USP43: variants seen among roughly 807,000 people sequenced by gnomAD.
USP43 encodes the protein ubiquitin specific peptidase 43.
Under a neutral mutation model 90.7 loss-of-function variants are expected in USP43, and 33 were observed. The ratio of observed to expected loss-of-function variants is 0.36; its 90% CI spans 0.28 to 0.49. The LOEUF (loss-of-function observed/expected upper bound fraction) is 0.49. USP43 is among the 20% of genes least tolerant of loss of function. USP43 has a pLI of 0.98. For synonymous variants in USP43, 598 were observed against 615.8 expected (o/e 0.97, Z 0.43); for missense variants, 1,274 against 1,476.4 (o/e 0.86, Z 2.25).
rs2080938235 is a variant in USP43, at chr17:9,696,545, A to G, written c.1457+3315A>G. Among the ~76,000 whole-genome samples the G allele has an allele frequency of 3.3e-5, 5 of 152,268 alleles. No homozygotes were observed. The South Asian group carries it at 1.0e-3, about 32-fold the overall frequency. On this transcript the variant is annotated intron_variant, in intron 9 of 14. Coordinates refer to ENST00000285199, the MANE Select transcript of USP43 (RefSeq NM_153210.5). ...TCTGGATTGCAGACCTGCCTGTCCT[A>G]CTTAAATGCCTCATAGACACTGGTA... is the stretch of plus-strand genomic sequence containing the variant.
Position 9,645,658 on chromosome 17 carries a change from C to T in USP43, c.26C>T (p.Ala9Val). 1 of 1,247,380 alleles carries T rather than the reference C, an allele frequency of 8.0e-7. No individual in the cohort carries two copies. The allele number at this position is 1,247,380 out of a possible 1,614,324, so 77.3% of individuals were successfully genotyped here. A position where few individuals can be genotyped will look rare whatever the true frequency, so the allele number is the denominator to read the frequency against. ...ATGGACCTGGGCCCCGGGGACGCGG[C>T]AGGAGGGGGACCGCTCGCGCCCCGG... The part of the protein sequence containing the change: MDLGPGDA[A>V]GGGPLAPRPR... The change falls in exon 1 of 15, where the codon GCA (alanine) becomes GTA (valine). Residue 9 changes from alanine (A) to valine (V), a missense_variant. Ala to Val is a moderately conservative substitution (Grantham distance 64). This residue lies in a region of USP43 where 112 missense variants were observed against 106.6 expected (regional missense o/e 1.05). Coordinates refer to ENST00000285199, the MANE Select transcript of USP43 (RefSeq NM_153210.5). The surrounding 1 kb of genome is among the most constrained non-coding windows in gnomAD (Gnocchi z 6.8).
In USP43 at chr17:9,728,566, G is replaced by A. The variant is rs376632985; in HGVS notation, c.2948G>A (p.Arg983Gln). Reference sequence around the variant, plus strand: ...TCTGGAAACAGCAAAGACAGTCGCCGAGGCACCTCTGAGCTAGACAGACCC... The same window carrying A: ...TCTGGAAACAGCAAAGACAGTCGCCAAGGCACCTCTGAGCTAGACAGACCC... ...GFSGNSKDSR[R>Q]GTSELDRPLQ... Residue 983 changes from arginine (R) to glutamine (Q), a missense_variant, in exon 15 of 15, where the codon CGA (arginine) becomes CAA (glutamine). Physicochemically the swap from Arg to Gln is conservative, Grantham distance 43. This residue lies in a region of USP43 where 353 missense variants were observed against 329.7 expected (regional missense o/e 1.07). Transcript: ENST00000285199. This position sits in a 1 kb window ranked among gnomAD's most constrained non-coding sequence, Gnocchi z 6.2. The A allele has an allele frequency of 9.3e-6, 15 of 1,613,866 alleles. No individual in the cohort carries two copies. Among genetic ancestry groups the A allele is most frequent in the Admixed American group, 3.3e-5 (2 of 60,008 alleles).
At position 9,728,958 on chromosome 17, in the gene USP43, C is replaced by G. The variant is rs747645380; in HGVS notation, c.3340C>G (p.Arg1114Gly). 1.9e-6 allele frequency: 3 copies of G among 1,588,398 alleles called. No individual in the cohort carries two copies. The highest frequency in any genetic ancestry group is 4.5e-5 in the East Asian group (2 of 44,376). Residue 1114 changes from arginine to glycine, a missense_variant, in exon 15 of 15, where the codon CGA becomes GGA. Coordinates refer to ENST00000285199, the MANE Select transcript of USP43 (RefSeq NM_153210.5). The surrounding 1 kb of genome is among the most constrained non-coding windows in gnomAD (Gnocchi z 6.2). ...CAAATATCACACTCTTTCTTTAGGTCGAAAGAAAACCTTACCGGAGTCCAG... is the reference window on the plus strand; with the variant it reads ...CAAATATCACACTCTTTCTTTAGGTGGAAAGAAAACCTTACCGGAGTCCAG... ...RVKYHTLSLG[R>G]KKTLPESSF
chr17:9,659,037 T>TG (rs1202554005), intron 2 of USP43, among the ~76,000 whole-genome samples: 1 of 152,178 alleles, frequency 6.6e-6, no homozygotes, highest in Admixed American at 6.5e-5. Flanking sequence ...GCAGCTGGGT[T>TG]GCATGCCTGT....
chr17:9,674,906 T>C lies in USP43; in HGVS notation c.756T>C (p.Cys252=). 6.2e-7 allele frequency: 1 copy of C among 1,614,026 alleles called. No individual in the cohort carries two copies. The highest frequency in any genetic ancestry group is 8.5e-7 in the Non-Finnish European group (1 of 1,179,892). Residue 252 remains cysteine, a synonymous_variant, in exon 4 of 15, where the codon TGT becomes TGC. Coordinates refer to ENST00000285199, the MANE Select transcript of USP43 (RefSeq NM_153210.5). The surrounding 1 kb of genome is among the most constrained non-coding windows in gnomAD (Gnocchi z 4.4). ...ACCCTCACAGATCTTCCTTGACTTG[T>C]CCCCACTGCCTGAAACAGAGCAACA... The part of the protein sequence containing the change: ...FQAQYRSSLT[C]PHCLKQSNTF...
At chr17:9,662,514 G>A (rs1912717095) in intron 2 of USP43, among the ~76,000 whole-genome samples, 1 of 152,100 alleles carries the variant, frequency 6.6e-6, no homozygotes, top group Admixed American at 6.5e-5. Context: ...CCCACAGTTG[G>A]GGGCCGAGTG....
chr17:9,723,186 C>T (rs1296705311), intron 14 of USP43, among the ~76,000 whole-genome samples: 1 of 152,088 alleles, frequency 6.6e-6, no homozygotes, highest in East Asian at 1.9e-4. Flanking sequence ...AGGTGAGAAG[C>T]CCAGGCTTTT....
At position 9,729,661 on chromosome 17, in the gene USP43, A is replaced by G. The variant is rs1483965175; in HGVS notation, c.*671A>G. 6.6e-6 allele frequency: 1 copy of G among 152,202 alleles called. No homozygotes were observed. The highest frequency in any genetic ancestry group is 1.5e-5 in the Non-Finnish European group (1 of 68,048). The allele number at this position is 152,202 out of a possible 1,614,324, so 9.4% of individuals were successfully genotyped here. A position where few individuals can be genotyped will look rare whatever the true frequency, so the allele number is the denominator to read the frequency against. On this transcript the variant is annotated 3_prime_UTR_variant, in exon 15 of 15. Coordinates refer to ENST00000285199, the MANE Select transcript of USP43 (RefSeq NM_153210.5). ...TAATTTAAATATGAGATCTATGTAC[A>G]ATTTTAATAAAATCCTGTCCATGAA...
At chr17:9,683,981 C>CA (rs1331879059) in intron 7 of USP43, among the ~76,000 whole-genome samples, 1 of 151,844 alleles carries the variant, frequency 6.6e-6, no homozygotes, top group Non-Finnish European at 1.5e-5. Flanking sequence ...ACTAAAAGTA[C>CA]AAAAAACTAT....
intron 14 of USP43, among the ~76,000 whole-genome samples, chr17:9,723,409 C>A (rs2152002393): frequency 6.6e-6 from 1 of 151,992 alleles, no homozygotes; most frequent in South Asian, 2.1e-4. Context: ...ATTGTCTCTC[C>A]TGCTTTTGAC....
chr17:9,700,895 A>C (rs1415264025), intron 10 of USP43, among the ~76,000 whole-genome samples: 1 of 152,326 alleles, frequency 6.6e-6, no homozygotes, highest in Non-Finnish European at 1.5e-5. Context: ...AAAGATGAAT[A>C]AGCCAAGGAC....
At chr17:9,697,625 G>A (rs960117249) in intron 9 of USP43, among the ~76,000 whole-genome samples, 2 of 151,166 alleles carry the variant, frequency 1.3e-5, no homozygotes, top group Admixed American at 1.3e-4. Context: ...TAGGATAATG[G>A]CCTCCATTTT....
intron 1 of USP43, among the ~76,000 whole-genome samples, chr17:9,656,070 C>T (rs11656180): frequency 0.097 from 14,765 of 152,154 alleles, 742 homozygotes; most frequent in Middle Eastern, 0.14. Flanking sequence ...CCAGCAGTCA[C>T]AGGAAGAGAG....
rs969723927 is a variant in USP43, at chr17:9,693,119, C to T, written c.1354-8C>T. The T allele has an allele frequency of 1.9e-6, 3 of 1,611,792 alleles. No individual in the cohort carries two copies. The highest frequency in any genetic ancestry group is 1.1e-5 in the South Asian group (1 of 90,580). ...CGTAATGATCCATGTCTGTTTTTGT[C>T]TTCGCAGAACCTGGGGTCTCTGTTC... On this transcript the variant is annotated splice_polypyrimidine_tract_variant and splice_region_variant and intron_variant, in intron 8 of 14. Coordinates refer to ENST00000285199, the MANE Select transcript of USP43 (RefSeq NM_153210.5).
intron 2 of USP43, among the ~76,000 whole-genome samples, chr17:9,662,364 C>G (rs1912701889): frequency 6.6e-6 from 1 of 152,200 alleles, no homozygotes; most frequent in Non-Finnish European, 1.5e-5. Flanking sequence ...ATGAATGTCT[C>G]TGCCTGGATA....
chr17:9,718,836 G>A (rs576265693), intron 14 of USP43, among the ~76,000 whole-genome samples: 5 of 151,714 alleles, frequency 3.3e-5, no homozygotes, highest in Non-Finnish European at 5.9e-5. Context: ...GCAAAACTCC[G>A]TCTCAAAAAA....
rs1283414145 is a variant in USP43 at position 9,727,943 on chromosome 17, G to A, written c.2336-11G>A. The A allele has an allele frequency of 6.3e-7, 1 of 1,590,924 alleles. No homozygotes were observed. Among genetic ancestry groups the A allele is most frequent in the Non-Finnish European group, 8.6e-7 (1 of 1,165,954 alleles). ...TGGCTTGTACACTGACAGTCTCTCT[G>A]TCTCTTTCAGGAGGGTTGGAGCCCA... On this transcript the variant is annotated splice_polypyrimidine_tract_variant and intron_variant, in intron 14 of 14. Coordinates refer to ENST00000285199, the MANE Select transcript of USP43 (RefSeq NM_153210.5).
At position 9,655,724 on chromosome 17, in the gene USP43, G is replaced by C. The variant is rs141070715; in HGVS notation, c.505-679G>C. 7.9e-3 allele frequency among the ~76,000 whole-genome samples: 1,202 copies of C among 152,302 alleles called. 8 individuals carry two copies. The highest frequency in any genetic ancestry group is 0.013 in the Non-Finnish European group (857 of 68,014). On this transcript the variant is annotated intron_variant, in intron 1 of 14. Transcript: ENST00000285199. The stretch of plus-strand genomic sequence containing the variant: ...TGTTGTATCCCCGGTCCCTAGAATA[G>C]TGCCTGGCGTGTGGTTGGCACTCAA...
At chr17:9,682,567 C>G (rs1914354769) in intron 6 of USP43, among the ~76,000 whole-genome samples, 1 of 152,198 alleles carries the variant, frequency 6.6e-6, no homozygotes, top group African/African-American at 2.4e-5. Flanking sequence ...GAGCGAGACT[C>G]TGTCTTAAAC....
Sources: gnomAD v4.1 joint callset for allele counts (sites outside exome capture counted in the v4.1 genomes callset) on GRCh38, gnomAD v4.1.1 for gene constraint, gnomAD v4.1.1 regional missense constraint, Gnocchi (gnomAD v3.1) non-coding constraint, MANE v1.5 for transcripts, NCBI Gene and HGNC (gene_info 2026-07-23, HGNC 2026-07-21) for gene names.